The following SGPP2 variants were observed in gnomAD, a reference collection of about 807,000 sequenced individuals.
SGPP2 encodes sphingosine-1-phosphate phosphatase 2, also known as sphingosine 1-phosphate phosphohydrolase 2.
A neutral mutation model predicts 33.9 loss-of-function variants in SGPP2; 30 were observed. That is an observed-to-expected ratio of 0.89 (90% CI 0.66 to 1.20). The LOEUF is 1.20. SGPP2 is among the 50% of genes most tolerant of loss of function. The pLI is 0.00. For synonymous variants in SGPP2, 233 were observed against 225.0 expected, an observed-to-expected ratio of 1.04 and a Z score of -0.32; for missense variants, 458 against 532.1, an observed-to-expected ratio of 0.86 and a Z score of 1.37.
chr2:222,498,480 C>T (rs1698316934), intron 2 of SGPP2: 1 of 151,996 alleles, frequency 6.6e-6, no homozygotes, highest in Admixed American at 6.6e-5. Flanking sequence ...ACTAAAGGAT[C>T]ACTGAATCTC....
intron 2 of SGPP2, chr2:222,504,341 G>A (rs1314710917): frequency 1.3e-5 from 2 of 152,278 alleles, no homozygotes; most frequent in Non-Finnish European, 2.9e-5. Context: ...ACTGTGGTCT[G>A]AGATTCCTCC....
intron 2 of SGPP2, among the ~76,000 whole-genome samples, chr2:222,510,297 G>C (rs994524139): frequency 2.6e-5 from 4 of 152,132 alleles, no homozygotes; most frequent in African/African-American, 9.7e-5. Flanking sequence ...TTACTGGTAA[G>C]CTGAGAAAAA....
Position 222,476,981 on chromosome 2 carries a change from G to A in SGPP2, c.378+2255G>A, listed in dbSNP as rs1343769720. On this transcript the variant is annotated intron_variant, in intron 2 of 4. Transcript: ENST00000321276. The surrounding 1 kb of genome is among the most constrained non-coding windows in gnomAD (Gnocchi z 4.3). ...TATAGTGTGTATATGTGTATATATAGGTGTGTGTATATTTTGTGTATTTAT... is the reference window on the plus strand; with the variant it reads ...TATAGTGTGTATATGTGTATATATAAGTGTGTGTATATTTTGTGTATTTAT... Among the ~76,000 whole-genome samples, 3 of 151,518 alleles carry A rather than the reference G, an allele frequency of 2.0e-5. No individual in the cohort carries two copies. Among genetic ancestry groups the A allele is most frequent in the Non-Finnish European group, 4.4e-5 (3 of 67,848 alleles).
At chr2:222,503,937 A>G (rs1348729222) in intron 2 of SGPP2, 1 of 152,164 alleles carries the variant, frequency 6.6e-6, no homozygotes, top group African/African-American at 2.4e-5. Flanking sequence ...GGCCAGATTT[A>G]TGGTCATACC....
At chr2:222,466,070 G>T (rs1697739980) in intron 1 of SGPP2, among the ~76,000 whole-genome samples, 1 of 152,078 alleles carries the variant, frequency 6.6e-6, no homozygotes, top group African/African-American at 2.4e-5. Flanking sequence ...AAAGGAGGAG[G>T]ATTGCTTGAA....
intron 4 of SGPP2, among the ~76,000 whole-genome samples, chr2:222,536,535 C>A (rs987894135): frequency 6.6e-6 from 1 of 151,988 alleles, no homozygotes; most frequent in South Asian, 2.1e-4. Flanking sequence ...CAAAAATTAG[C>A]CAGGCATGGT....
chr2:222,451,790 G>T lies in SGPP2; in HGVS notation c.220-22778G>T, dbSNP rs1233886115. Among the ~76,000 whole-genome samples, 3 of 152,228 alleles carry T rather than the reference G, an allele frequency of 2.0e-5. No homozygotes were observed. In the South Asian group the frequency reaches 6.2e-4, roughly 31 times the overall value. Reference sequence around the variant, plus strand: ...ATATTTTTTCATGTTTGCTGAGCATGGTAGCAGAGATACATGGAAACTCAT... The same window carrying T: ...ATATTTTTTCATGTTTGCTGAGCATTGTAGCAGAGATACATGGAAACTCAT... On this transcript the variant is annotated intron_variant, in intron 1 of 4. Transcript: ENST00000321276.
intron 2 of SGPP2, among the ~76,000 whole-genome samples, chr2:222,509,169 A>G (rs1698488731): frequency 1.3e-5 from 2 of 152,126 alleles, no homozygotes; most frequent in African/African-American, 4.8e-5. Flanking sequence ...CAAAAACACA[A>G]TCTAGTGCAG....
intron 4 of SGPP2, among the ~76,000 whole-genome samples, chr2:222,525,565 C>T (rs746780987): frequency 2.0e-5 from 3 of 152,152 alleles, no homozygotes; most frequent in Non-Finnish European, 2.9e-5. Context: ...TCCATCCACC[C>T]TTTTACCATA....
In SGPP2 at chr2:222,476,862, G is replaced by A. The variant is rs1559154951; in HGVS notation, c.378+2136G>A. On this transcript the variant is annotated intron_variant, in intron 2 of 4. Transcript: ENST00000321276. This position sits in a 1 kb window ranked among gnomAD's most constrained non-coding sequence, Gnocchi z 4.3. Reference sequence around the variant, plus strand: ...TGTGTGTATATAGGTGTGTATATGTGTATATATAGGTGTGTGTATATATGT... The same window carrying A: ...TGTGTGTATATAGGTGTGTATATGTATATATATAGGTGTGTGTATATATGT... 6.6e-6 allele frequency among the ~76,000 whole-genome samples: 1 copy of A among 150,882 alleles called. No homozygotes were observed. Among genetic ancestry groups the A allele is most frequent in the African/African-American group, 2.5e-5 (1 of 40,470 alleles).
intron 4 of SGPP2, among the ~76,000 whole-genome samples, chr2:222,537,623 C>T (rs146019925): frequency 7.9e-5 from 12 of 152,280 alleles, no homozygotes; most frequent in African/African-American, 2.9e-4. Context: ...CATTAAGGGA[C>T]ATTTAAATGC....
chr2:222,535,649 G>A (rs1698903320), intron 4 of SGPP2, among the ~76,000 whole-genome samples: 3 of 152,238 alleles, frequency 2.0e-5, no homozygotes, highest in Non-Finnish European at 4.4e-5. Flanking sequence ...CATCCTTTCT[G>A]CCGCAGTGGA....
At chr2:222,444,794 T>G (rs1247392280) in intron 1 of SGPP2, among the ~76,000 whole-genome samples, 1 of 152,206 alleles carries the variant, frequency 6.6e-6, no homozygotes, top group Non-Finnish European at 1.5e-5. Context: ...TCTCAGGCTT[T>G]AGAAAACAAT....
Position 222,508,141 on chromosome 2 carries a change from G to A in SGPP2, c.379-13626G>A, listed in dbSNP as rs1184285523. 6.6e-5 allele frequency among the ~76,000 whole-genome samples: 10 copies of A among 152,340 alleles called. No homozygotes were observed. In the East Asian group the frequency reaches 1.2e-3, roughly 18 times the overall value. ...GGGATAAGCAATTTTCTCATCAGATGTGATATCGTAATCTCTCAGCCCCAA... is the reference window on the plus strand; with the variant it reads ...GGGATAAGCAATTTTCTCATCAGATATGATATCGTAATCTCTCAGCCCCAA... On this transcript the variant is annotated intron_variant, in intron 2 of 4. Transcript: ENST00000321276.
chr2:222,505,634 A>G (rs188514874), intron 2 of SGPP2, among the ~76,000 whole-genome samples: 12 of 152,200 alleles, frequency 7.9e-5, no homozygotes, highest in Non-Finnish European at 1.5e-4. Flanking sequence ...CTATTATGAA[A>G]AGTTAAAATA....
upstream of SGPP2, chr2:222,424,486 C>T (rs1367670759): frequency 1.5e-6 from 1 of 668,510 alleles, no homozygotes; most frequent in East Asian, 6.1e-5. Context: ...CGGGGCCCCG[C>T]CCGCCCGGCC....
intron 2 of SGPP2, among the ~76,000 whole-genome samples, chr2:222,500,718 C>T (rs1282331936): frequency 6.6e-6 from 1 of 152,228 alleles, no homozygotes; most frequent in Non-Finnish European, 1.5e-5. Flanking sequence ...ATTTTCTTCC[C>T]TGCATCCTGT....
At chr2:222,424,965 G>C in intron 1 of SGPP2, 144 bp downstream of exon 1, 4 of 642,702 alleles carry the variant, frequency 6.2e-6, no homozygotes, top group Non-Finnish European at 9.0e-6. Flanking sequence ...GCGAGCGGAC[G>C]GGGAGGCCTG....
At chr2:222,509,575 A>G (rs1459089921) in intron 2 of SGPP2, among the ~76,000 whole-genome samples, 1 of 152,230 alleles carries the variant, frequency 6.6e-6, no homozygotes, top group Non-Finnish European at 1.5e-5. Context: ...GTGGACGGGC[A>G]GAATTGAACA....
Sources: allele counts gnomAD v4.1 joint callset (sites outside exome capture counted in the v4.1 genomes callset), GRCh38; gene constraint gnomAD v4.1.1; non-coding constraint Gnocchi (gnomAD v3.1); transcripts MANE v1.5; gene names NCBI Gene and HGNC (gene_info 2026-07-23, HGNC 2026-07-21).